CABYR: variants seen among roughly 807,000 people sequenced by gnomAD.
CABYR encodes calcium-binding tyrosine phosphorylation-regulated protein.
In CABYR, 31 loss-of-function variants were observed where a neutral mutation model predicts 36.1. That is an observed-to-expected ratio of 0.86 (90% CI 0.64 to 1.16). CABYR has a LOEUF of 1.16. CABYR is among the 50% of genes most tolerant of loss of function. CABYR has a pLI of 0.00. For missense variants in CABYR, 429 were observed against 455.8 expected (o/e 0.94, Z 0.53); for synonymous variants, 146 against 160.7 (o/e 0.91, Z 0.69).
At chr18:24,148,112 G>A (rs369983897) in intron 3 of CABYR, among the ~76,000 whole-genome samples, 7 of 152,130 alleles carry the variant, frequency 4.6e-5, no homozygotes, top group Non-Finnish European at 7.3e-5. Flanking sequence ...ACTTTTGCAA[G>A]TTTTCCAGCA....
At chr18:24,149,408 C>G (rs912751543) in intron 3 of CABYR, among the ~76,000 whole-genome samples, 1 of 152,036 alleles carries the variant, frequency 6.6e-6, no homozygotes, top group Non-Finnish European at 1.5e-5. Flanking sequence ...TAGAGAGTGC[C>G]GATTGGTGTA....
At chr18:24,148,956 G>A (rs147961704) in intron 3 of CABYR, among the ~76,000 whole-genome samples, 2 of 152,102 alleles carry the variant, frequency 1.3e-5, no homozygotes, top group South Asian at 2.1e-4. Flanking sequence ...CTGCTGGCTC[G>A]AACAGCCTGC....
chr18:24,149,626 C>T (rs4800552), intron 3 of CABYR, among the ~76,000 whole-genome samples: 71,757 of 152,154 alleles, frequency 0.47, 19,924 homozygotes, highest in Non-Finnish European at 0.63. Context: ...CGGGGAGGCT[C>T]GGGCCGCACA....
chr18:24,139,809 G>A (rs543957811), intron 1 of CABYR: 1 of 152,332 alleles, frequency 6.6e-6, no homozygotes, highest in South Asian at 2.1e-4. Flanking sequence ...GTGAGAACTA[G>A]TGGGACGGGG....
At chr18:24,147,465 A>C (rs1056041012) in intron 3 of CABYR, among the ~76,000 whole-genome samples, 1 of 152,218 alleles carries the variant, frequency 6.6e-6, no homozygotes, top group Non-Finnish European at 1.5e-5. Context: ...GTAGGTTCTA[A>C]TCAGTGCCAT....
intron 3 of CABYR, among the ~76,000 whole-genome samples, chr18:24,149,600 A>AGG (rs1234035018): frequency 6.6e-6 from 1 of 152,212 alleles, no homozygotes; most frequent in Non-Finnish European, 1.5e-5. Context: ...GCTGTGGAGC[A>AGG]GGGGGCGGTG....
At chr18:24,140,761 A>G (rs537409788) in intron 1 of CABYR, among the ~76,000 whole-genome samples, 55 of 151,120 alleles carry the variant, frequency 3.6e-4, no homozygotes, top group South Asian at 1.9e-3. Context: ...AATTGTTTCA[A>G]TTTTTAGCTC....
intron 1 of CABYR, among the ~76,000 whole-genome samples, chr18:24,142,717 G>C: frequency 6.6e-6 from 1 of 151,556 alleles, no homozygotes; most frequent in East Asian, 1.9e-4. Flanking sequence ...TAGAACTAAA[G>C]CTGATAATTT....
At chr18:24,159,350 T>G (rs757354281) in intron 4 of CABYR, 122 bp from the exon 5 acceptor site, 14 of 698,994 alleles carry the variant, frequency 2.0e-5, no homozygotes. Context: ...CTCTATAGCA[T>G]GCTCTACGGT....
At chr18:24,157,019 C>T (rs373252268) in intron 4 of CABYR, 5 of 1,564,776 alleles carry the variant, frequency 3.2e-6, no homozygotes, top group Non-Finnish European at 4.4e-6. Flanking sequence ...TCAGGTATTT[C>T]CATTACAAAT....
intron 5 of CABYR, 36 bp downstream of exon 5, chr18:24,160,105 AAC>A (rs1491277901): frequency 2.3e-5 from 31 of 1,365,658 alleles, no homozygotes; most frequent in Non-Finnish European, 2.8e-5. Flanking sequence ...TTTAGGCCTT[AAC>A]ACACGCGCGT....
intron 1 of CABYR, among the ~76,000 whole-genome samples, chr18:24,140,989 C>T (rs1176312577): frequency 6.6e-6 from 1 of 152,154 alleles, no homozygotes; most frequent in Non-Finnish European, 1.5e-5. Flanking sequence ...CTATTGTCAA[C>T]AGTGCTGGAA....
intron 4 of CABYR, chr18:24,157,130 C>G: frequency 1.5e-6 from 1 of 662,480 alleles, no homozygotes; most frequent in East Asian, 2.7e-5. Context: ...AATGCCAAAG[C>G]CATTTAAAGA....
intron 3 of CABYR, among the ~76,000 whole-genome samples, chr18:24,145,622 C>T (rs2085441922): frequency 6.6e-6 from 1 of 152,134 alleles, no homozygotes; most frequent in African/African-American, 2.4e-5. Flanking sequence ...TCCTAAGCTC[C>T]TCATGTGTGG....
intron 3 of CABYR, chr18:24,150,513 A>T: frequency 1.3e-6 from 1 of 752,402 alleles, no homozygotes; most frequent in Non-Finnish European, 1.6e-6. Flanking sequence ...TGAGATCTTT[A>T]GGAAGTCTTA....
At chr18:24,147,252 CAAAAAAA>C (rs5823414) in intron 3 of CABYR, among the ~76,000 whole-genome samples, 85 of 96,434 alleles carry the variant, frequency 8.8e-4, no homozygotes, top group Admixed American at 3.2e-3. Flanking sequence ...AACCATGTCT[CAAAAAAA>C]AAAAAAAAAA....
At chr18:24,153,813 A>C (rs889085796) in intron 3 of CABYR, among the ~76,000 whole-genome samples, 3 of 152,092 alleles carry the variant, frequency 2.0e-5, no homozygotes, top group Non-Finnish European at 4.4e-5. Context: ...GGCTTAAATA[A>C]GATTTTTCGG....
intron 1 of CABYR, among the ~76,000 whole-genome samples, chr18:24,141,450 C>A (rs2085318949): frequency 6.6e-6 from 1 of 152,128 alleles, no homozygotes; most frequent in Non-Finnish European, 1.5e-5. Context: ...GTTTCAGTAT[C>A]CAGAATAGCT....
chr18:24,147,428 G>A (rs1388968355), intron 3 of CABYR, among the ~76,000 whole-genome samples: 1 of 152,046 alleles, frequency 6.6e-6, no homozygotes, highest in African/African-American at 2.4e-5. Flanking sequence ...GATCTCCAAT[G>A]TTACGATTTC....
Sources: allele counts gnomAD v4.1 joint callset (sites outside exome capture counted in the v4.1 genomes callset), GRCh38; gene constraint gnomAD v4.1.1; transcripts MANE v1.5; gene names NCBI Gene and HGNC (gene_info 2026-07-23, HGNC 2026-07-21).